Variants in SLC8A2 observed in about 807,000 individuals in gnomAD.
The protein encoded by SLC8A2 is sodium/calcium exchanger 2.
A neutral mutation model predicts 70.2 loss-of-function variants in SLC8A2; 14 were observed. The ratio of observed to expected loss-of-function variants is 0.20; its 90% CI spans 0.13 to 0.31. The LOEUF is 0.31. Among genes scored for constraint, SLC8A2 ranks in the 10% least tolerant of loss-of-function variants. The probability of loss-of-function intolerance (pLI) is 1.00; values close to 1 mark genes in which losing one functional copy is unlikely to be tolerated. For synonymous variants in SLC8A2, 575 were observed against 594.3 expected, an observed-to-expected ratio of 0.97 and a Z score of 0.47; for missense variants, 779 against 1,320.1, an observed-to-expected ratio of 0.59 and a Z score of 6.35.
At chr19:47,467,067 A>AGAAT (rs1351887736) in intron 1 of SLC8A2, among the ~76,000 whole-genome samples, 5 of 152,210 alleles carry the variant, frequency 3.3e-5, no homozygotes, top group Non-Finnish European at 5.9e-5. Flanking sequence ...AAATAAAATA[A>AGAAT]GAATGTTCAT....
intron 2 of SLC8A2, among the ~76,000 whole-genome samples, chr19:47,463,751 G>C (rs1967425684): frequency 6.6e-6 from 1 of 151,410 alleles, no homozygotes; most frequent in South Asian, 2.1e-4. Context: ...CTGACTTTTT[G>C]GGAAGCCAAA....
intron 6 of SLC8A2, 122 bp from the exon 7 acceptor site, chr19:47,438,095 G>A: frequency 1.6e-6 from 2 of 1,238,134 alleles, no homozygotes; most frequent in South Asian, 1.4e-5. Flanking sequence ...GAAGCTCCTT[G>A]GTGACTCCTC....
intron 7 of SLC8A2, 79 bp from the exon 8 acceptor site, chr19:47,437,640 G>T: frequency 7.8e-7 from 1 of 1,275,472 alleles, no homozygotes. Flanking sequence ...TGGGTCGGGG[G>T]CTCACAGCCT....
intron 7 of SLC8A2, 144 bp from the exon 8 acceptor site, chr19:47,437,705 A>C (rs1295816555): frequency 2.6e-6 from 3 of 1,170,252 alleles, no homozygotes; most frequent in Non-Finnish European, 2.5e-6. Flanking sequence ...AGCAAGGAAA[A>C]GGGAGGCATG....
Position 47,432,010 on chromosome 19 carries a change from C to A in SLC8A2, c.2389+157G>T, listed in dbSNP as rs981652903. 1 of 630,958 alleles carries A rather than the reference C, an allele frequency of 1.6e-6. No individual in the cohort carries two copies. The highest frequency in any genetic ancestry group is 2.6e-6 in the Non-Finnish European group (1 of 388,250). 39.1% of individuals were successfully genotyped at this position (630,958 alleles called of 1,614,324 possible). A position where few individuals can be genotyped will look rare whatever the true frequency, so the allele number is the denominator to read the frequency against. On this transcript the variant is annotated intron_variant, in intron 9 of 9. Coordinates refer to ENST00000236877, the MANE Select transcript of SLC8A2 (RefSeq NM_015063.3). This position sits in a 1 kb window ranked among gnomAD's most constrained non-coding sequence, Gnocchi z 6.2. ...ATTCACATCTTGCACCTAGGGGACC[C>A]GCTGCCTGGCTTCTATTATGCCCCA...
chr19:47,452,443 A>AGTGTGT (rs1568444573), intron 3 of SLC8A2, among the ~76,000 whole-genome samples: 3 of 55,728 alleles, frequency 5.4e-5, no homozygotes, highest in African/African-American at 2.4e-4. Flanking sequence ...AGAGAGAGAG[A>AGTGTGT]GAGTGTGTGT....
chr19:47,452,445 AGTGTGTGTGTGT>A (rs1158828688), intron 3 of SLC8A2, among the ~76,000 whole-genome samples: 8 of 54,054 alleles, frequency 1.5e-4, no homozygotes, highest in South Asian at 9.5e-4. Context: ...AGAGAGAGAG[AGTGTGTGTGTGT>A]GTGTGTGTGT....
chr19:47,440,391 C>T (rs1967086069), intron 6 of SLC8A2, among the ~76,000 whole-genome samples: 1 of 152,200 alleles, frequency 6.6e-6, no homozygotes, highest in South Asian at 2.1e-4. Flanking sequence ...CTCACTCTCA[C>T]AAACCCAGAT....
In SLC8A2 at chr19:47,429,999, TGG is replaced by T; in HGVS notation, c.*88_*89del. 1 of 1,365,498 alleles carries T rather than the reference TGG, an allele frequency of 7.3e-7. No homozygotes were observed. The highest frequency in any genetic ancestry group is 9.8e-7 in the Non-Finnish European group (1 of 1,020,522). The allele number at this position is 1,365,498 out of a possible 1,614,324, so 84.6% of individuals were successfully genotyped here. A position where few individuals can be genotyped will look rare whatever the true frequency, so the allele number is the denominator to read the frequency against. ...GAGTCCCAGGAGAGGAGGCCGAGTC[TGG>T]GGGGAAAAGGAGACCAGGGTCCAAG... On this transcript the variant is annotated 3_prime_UTR_variant, in exon 10 of 10. Coordinates refer to ENST00000236877, the MANE Select transcript of SLC8A2 (RefSeq NM_015063.3).
Position 47,469,921 on chromosome 19 carries a change from C to G in SLC8A2, c.-17+1868G>C, listed in dbSNP as rs531291368. Among the ~76,000 whole-genome samples the G allele has an allele frequency of 2.6e-5, 4 of 152,310 alleles. No individual in the cohort carries two copies. The East Asian group carries it at 7.7e-4, about 29-fold the overall frequency. On this transcript the variant is annotated intron_variant, in intron 1 of 9. Coordinates refer to ENST00000236877, the MANE Select transcript of SLC8A2 (RefSeq NM_015063.3). ...GTTCTGCCTCACGTGCCTCTTAGGT[C>G]CTTGATCAGAAGAACAGGACTGCAT... is the stretch of plus-strand genomic sequence containing the variant.
Position 47,457,603 on chromosome 19 carries a change from G to T in SLC8A2, c.676-9C>A. The T allele has an allele frequency of 6.5e-7, 1 of 1,532,910 alleles. No individual in the cohort carries two copies. The highest frequency in any genetic ancestry group is 1.4e-5 in the African/African-American group (1 of 70,024). 95.0% of individuals were successfully genotyped at this position (1,532,910 alleles called of 1,614,324 possible). A position where few individuals can be genotyped will look rare whatever the true frequency, so the allele number is the denominator to read the frequency against. ...AGCAGCGCCTCCCACACCTGCGGGC[G>T]GCGGGCGTCAGGGCGAGGCCGGGCG... On this transcript the variant is annotated splice_polypyrimidine_tract_variant and intron_variant, in intron 2 of 9. Coordinates refer to ENST00000236877, the MANE Select transcript of SLC8A2 (RefSeq NM_015063.3).
At chr19:47,460,495 C>A (rs1056527529) in intron 2 of SLC8A2, among the ~76,000 whole-genome samples, 1 of 151,278 alleles carries the variant, frequency 6.6e-6, no homozygotes, top group Non-Finnish European at 1.5e-5. Flanking sequence ...GCCAGGAGTT[C>A]GAGACCAGCC....
intron 2 of SLC8A2, among the ~76,000 whole-genome samples, chr19:47,458,866 CTT>C (rs980833342): frequency 1.1e-3 from 164 of 148,612 alleles, no homozygotes; most frequent in Admixed American, 4.7e-3. Context: ...CTATTTCCCT[CTT>C]GTCTCTGTTC....
chr19:47,448,144 C>T lies in SLC8A2; in HGVS notation c.1428G>A (p.Glu476=). 6.2e-7 allele frequency: 1 copy of T among 1,612,956 alleles called. No individual in the cohort carries two copies. Among genetic ancestry groups the T allele is most frequent in the Non-Finnish European group, 8.5e-7 (1 of 1,179,730 alleles). ...IIDDDIFEED[E]HFFVRLLNLR... ...GGTTCAGCAGCCGCACGAAGAAATG[C>T]TCGTCCTCCTCGAAGATGTCGTCGT... The change falls in exon 4 of 10, where the codon GAG becomes GAA. Residue 476 remains glutamate, a synonymous_variant. Transcript: ENST00000236877. This position sits in a 1 kb window ranked among gnomAD's most constrained non-coding sequence, Gnocchi z 4.8.
Position 47,448,324 on chromosome 19 carries a change from G to T in SLC8A2, c.1341-93C>A. ...GAGTCTGGACGTGCTTCCCAGAGGAGACGTAGGTGCCATAGAAGAACTCCC... is the reference window on the plus strand; with the variant it reads ...GAGTCTGGACGTGCTTCCCAGAGGATACGTAGGTGCCATAGAAGAACTCCC... On this transcript the variant is annotated intron_variant, in intron 3 of 9. Coordinates refer to ENST00000236877, the MANE Select transcript of SLC8A2 (RefSeq NM_015063.3). This position sits in a 1 kb window ranked among gnomAD's most constrained non-coding sequence, Gnocchi z 4.8. 1.1e-6 allele frequency: 1 copy of T among 932,218 alleles called. No individual in the cohort carries two copies. The highest frequency in any genetic ancestry group is 1.6e-6 in the Non-Finnish European group (1 of 621,878). The allele number at this position is 932,218 out of a possible 1,614,324, so 57.7% of individuals were successfully genotyped here.
Position 47,466,221 on chromosome 19 carries a change from G to C in SLC8A2, c.183C>G (p.Asp61Glu). 6.2e-7 allele frequency: 1 copy of C among 1,609,452 alleles called. No individual in the cohort carries two copies. Among genetic ancestry groups the C allele is most frequent in the Non-Finnish European group, 8.5e-7 (1 of 1,176,622 alleles). The change falls in exon 2 of 10, where the codon GAC becomes GAG. Residue 61 changes from aspartate to glutamate, a missense_variant. By Grantham distance (45) the Asp-to-Glu change is conservative. Transcript: ENST00000236877. This position sits in a 1 kb window ranked among gnomAD's most constrained non-coding sequence, Gnocchi z 6.9. Reference sequence around the variant, plus strand: ...CCGCCTTGTCACCCAGCGACGGGTCGTCGGGCTCCCACACGGGCAGCAGCA... The same window carrying C: ...CCGCCTTGTCACCCAGCGACGGGTCCTCGGGCTCCCACACGGGCAGCAGCA... ...PGVLLPVWEP[D>E]DPSLGDKAAR...
intron 8 of SLC8A2, among the ~76,000 whole-genome samples, chr19:47,433,836 AT>A (rs1966993652): frequency 6.6e-6 from 1 of 151,942 alleles, no homozygotes; most frequent in African/African-American, 2.4e-5. Flanking sequence ...TAGAGATGGG[AT>A]TTCGCCATGT....
chr19:47,467,914 G>A (rs919533463), intron 1 of SLC8A2, among the ~76,000 whole-genome samples: 2 of 150,560 alleles, frequency 1.3e-5, no homozygotes, highest in Admixed American at 1.3e-4. Context: ...GCTGAAGCAT[G>A]AGAATCGCTT....
chr19:47,467,711 C>T (rs997397706), intron 1 of SLC8A2, among the ~76,000 whole-genome samples: 4 of 151,730 alleles, frequency 2.6e-5, no homozygotes, highest in African/African-American at 4.8e-5. Context: ...AAACACAAAT[C>T]GCTGGACACG....
Sources: allele counts gnomAD v4.1 joint callset (sites outside exome capture counted in the v4.1 genomes callset), GRCh38; gene constraint gnomAD v4.1.1; non-coding constraint Gnocchi (gnomAD v3.1); transcripts MANE v1.5; gene names NCBI Gene and HGNC (gene_info 2026-07-23, HGNC 2026-07-21).